Variants in ZFHX3 observed in about 807,000 individuals in gnomAD.
The protein encoded by ZFHX3 is zinc finger homeobox 3.
ZFHX3 carries 42 observed loss-of-function variants against 279.1 expected under a neutral mutation model. That is an observed-to-expected ratio of 0.15 (90% confidence interval 0.12 to 0.19). The LOEUF (loss-of-function observed/expected upper bound fraction) is 0.19, where lower values mean the gene tolerates loss of function less well. Among genes scored for constraint, ZFHX3 ranks in the 10% least tolerant of loss-of-function variants. The probability of loss-of-function intolerance (pLI) is 1.00; values close to 1 mark genes in which losing one functional copy is unlikely to be tolerated. For synonymous variants in ZFHX3, 2,293 were observed against 1,957.8 expected (o/e 1.17, Z -4.52); for missense variants, 4,981 against 4,754.0 (o/e 1.05, Z -1.40).
chr16:73,192,548 C>T (rs1029472238), intron 5 of ZFHX3, among the ~76,000 whole-genome samples: 1 of 152,134 alleles, frequency 6.6e-6, no homozygotes, highest in East Asian at 1.9e-4. Flanking sequence ...GTTTCTAATG[C>T]GTCTGAGCTG....
intron 3 of ZFHX3, among the ~76,000 whole-genome samples, chr16:73,337,025 C>T (rs1378518582): frequency 6.6e-6 from 1 of 152,162 alleles, no homozygotes. Context: ...ACCACCACTA[C>T]CTGCCAAAGG....
At chr16:73,015,615 A>G (rs1329855557) in intron 1 of ZFHX3, 1 of 152,194 alleles carries the variant, frequency 6.6e-6, no homozygotes, top group Non-Finnish European at 1.5e-5. Flanking sequence ...GGCCGAGCCA[A>G]CCTTACCCAA....
At chr16:72,876,064 T>C (rs987418763) in intron 4 of ZFHX3, among the ~76,000 whole-genome samples, 11 of 152,228 alleles carry the variant, frequency 7.2e-5, no homozygotes, top group African/African-American at 2.7e-4. Context: ...CCATAATTTA[T>C]AGGATAGTTT....
intron 7 of ZFHX3, among the ~76,000 whole-genome samples, chr16:72,808,687 T>G (rs542783499): frequency 2.6e-4 from 39 of 152,282 alleles, no homozygotes; most frequent in African/African-American, 8.2e-4. Flanking sequence ...ACATAGAGGT[T>G]TCTATACAAG....
chr16:73,537,053 A>G (rs2019914387), intron 2 of ZFHX3, among the ~76,000 whole-genome samples: 1 of 152,182 alleles, frequency 6.6e-6, no homozygotes, highest in South Asian at 2.1e-4. Context: ...ACCAGCAATA[A>G]GTTATCTATT....
At chr16:73,071,001 CT>C (rs1965820046) in intron 8 of ZFHX3, among the ~76,000 whole-genome samples, 1 of 136,338 alleles carries the variant, frequency 7.3e-6, no homozygotes, top group Non-Finnish European at 1.6e-5. Context: ...TCTCCCTCCC[CT>C]ACCCCGCCCC....
rs559180787 is a variant in ZFHX3, at chr16:73,627,146, A to T, written c.-1547+53034T>A. ...AGTTAGAAGAATACCTAAGCAAAGA[A>T]AATTTCACTAAAGGGTAAAGGGCAA... is the stretch of plus-strand genomic sequence containing the variant. On this transcript the variant is annotated intron_variant, in intron 2 of 17. Transcript: ENST00000641206. Among the ~76,000 whole-genome samples, 11 of 152,352 alleles carry T rather than the reference A, an allele frequency of 7.2e-5. No individual in the cohort carries two copies. In the South Asian group the frequency reaches 2.3e-3, roughly 32 times the overall value.
chr16:73,798,836 G>C (rs1960069304), intron 1 of ZFHX3, among the ~76,000 whole-genome samples: 1 of 152,148 alleles, frequency 6.6e-6, no homozygotes, highest in African/African-American at 2.4e-5. Flanking sequence ...TGTTTGGAGG[G>C]GGATGAGCTT....
chr16:73,157,301 G>A (rs1039304748), intron 5 of ZFHX3, among the ~76,000 whole-genome samples: 3 of 151,850 alleles, frequency 2.0e-5, no homozygotes, highest in African/African-American at 7.3e-5. Flanking sequence ...AATACCCTCT[G>A]CCATACTTAA....
chr16:73,184,506 T>C (rs1476754467), intron 5 of ZFHX3, among the ~76,000 whole-genome samples: 1 of 152,014 alleles, frequency 6.6e-6, no homozygotes, highest in Admixed American at 6.6e-5. Context: ...ACTGCCCAAG[T>C]GGGGATTTAT....
At chr16:73,081,765 T>C (rs1042700695) in intron 8 of ZFHX3, 2 of 152,166 alleles carry the variant, frequency 1.3e-5, no homozygotes, top group African/African-American at 4.8e-5. Context: ...CCAGTGACGT[T>C]GTTCTGGATG....
intron 2 of ZFHX3, among the ~76,000 whole-genome samples, chr16:72,953,691 C>T (rs1961108218): frequency 6.6e-6 from 1 of 152,154 alleles, no homozygotes; most frequent in Non-Finnish European, 1.5e-5. Context: ...AGTGAACCAC[C>T]TGCCTCAGCC....
At chr16:73,422,819 C>T (rs2017742294) in intron 3 of ZFHX3, among the ~76,000 whole-genome samples, 1 of 152,186 alleles carries the variant, frequency 6.6e-6, no homozygotes, top group South Asian at 2.1e-4. Context: ...GTGAAACAGA[C>T]AATCCTCCTG....
rs533142460 is a variant in ZFHX3 at position 73,581,506 on chromosome 16, G to C, written c.-1547+98674C>G. Among the ~76,000 whole-genome samples, 3 of 151,754 alleles carry C rather than the reference G, an allele frequency of 2.0e-5. No individual in the cohort carries two copies. The South Asian group carries it at 6.2e-4, about 31-fold the overall frequency. ...AATGGATGCTTGTTACTTTCAGATA[G>C]GTCCTAAGAATCAAGCTGAAGGGTT... On this transcript the variant is annotated intron_variant, in intron 2 of 17. Coordinates refer to the ZFHX3 transcript ENST00000641206.
At position 73,127,345 on chromosome 16, in the gene ZFHX3, C is replaced by G. The variant is rs541695734; in HGVS notation, c.-897+3623G>C. ...TGGTGGCAGCCGTACAGAGGAAAGC[C>G]GATAAAAAGTCAATTCCACTTAACT... On this transcript the variant is annotated intron_variant, in intron 7 of 17. Coordinates refer to the ZFHX3 transcript ENST00000641206. The G allele has an allele frequency of 4.1e-5, 53 of 1,304,610 alleles. 1 individual carries two copies. In the South Asian group the frequency reaches 4.1e-4, roughly 10 times the overall value. The allele number at this position is 1,304,610 out of a possible 1,614,324, so 80.8% of individuals were successfully genotyped here. A position where few individuals can be genotyped will look rare whatever the true frequency, so the allele number is the denominator to read the frequency against.
intron 3 of ZFHX3, among the ~76,000 whole-genome samples, chr16:72,914,541 G>A (rs542290530): frequency 8.2e-4 from 125 of 152,146 alleles, no homozygotes; most frequent in Non-Finnish European, 1.6e-3. Context: ...CAACACCCCC[G>A]ATCTACAACC....
intron 2 of ZFHX3, among the ~76,000 whole-genome samples, chr16:73,553,135 A>G (rs967271466): frequency 6.6e-6 from 1 of 152,168 alleles, no homozygotes; most frequent in Non-Finnish European, 1.5e-5. Context: ...TTTTACTCCA[A>G]TAAACCAATG....
chr16:72,817,377 C>CA (rs1310679319), intron 5 of ZFHX3, among the ~76,000 whole-genome samples: 6 of 152,204 alleles, frequency 3.9e-5, no homozygotes, highest in African/African-American at 4.8e-5. Context: ...TAACTCTGTA[C>CA]AACTCTGAAG....
At chr16:73,192,213 T>C (rs544271126) in intron 5 of ZFHX3, among the ~76,000 whole-genome samples, 1 of 152,210 alleles carries the variant, frequency 6.6e-6, no homozygotes, top group South Asian at 2.1e-4. Context: ...CCAAACACCC[T>C]ATCCCACCGC....
Sources: gnomAD v4.1 joint callset for allele counts (sites outside exome capture counted in the v4.1 genomes callset) on GRCh38, gnomAD v4.1.1 for gene constraint, MANE v1.5 for transcripts, NCBI Gene and HGNC (gene_info 2026-07-23, HGNC 2026-07-21) for gene names.